The following LHFPL6 variants were observed in gnomAD, a reference collection of about 807,000 sequenced individuals.
LHFPL6 encodes the protein LHFPL tetraspan subfamily member 6.
Under a neutral mutation model 20.6 loss-of-function variants are expected in LHFPL6, and 9 were observed. The observed-to-expected ratio is 0.44, with a 90% CI of 0.26 to 0.76. The LOEUF is 0.76. Among genes scored for constraint, LHFPL6 ranks in the 30% least tolerant of loss-of-function variants. The pLI is 0.20. For missense variants in LHFPL6, 218 were observed against 253.5 expected (o/e 0.86, Z 0.95); for synonymous variants, 105 against 98.7 (o/e 1.06, Z -0.38).
At chr13:39,345,901 C>T (rs893159034) in intron 3 of LHFPL6, among the ~76,000 whole-genome samples, 1 of 152,128 alleles carries the variant, frequency 6.6e-6, no homozygotes, top group Non-Finnish European at 1.5e-5. Flanking sequence ...TCTGTTTGTA[C>T]GTCCCTATCA....
chr13:39,566,398 T>C (rs1383205488), intron 2 of LHFPL6, among the ~76,000 whole-genome samples: 1 of 152,178 alleles, frequency 6.6e-6, no homozygotes, highest in East Asian at 1.9e-4. Context: ...GTATACATTG[T>C]CCGTTGTGGC....
chr13:39,493,610 G>C (rs9566445), intron 2 of LHFPL6, among the ~76,000 whole-genome samples: 2 of 152,262 alleles, frequency 1.3e-5, no homozygotes, highest in East Asian at 3.9e-4. Flanking sequence ...GAGAACAAAA[G>C]CCTGGGAATG....
chr13:39,421,030 T>C (rs1871471035), intron 2 of LHFPL6, among the ~76,000 whole-genome samples: 1 of 152,214 alleles, frequency 6.6e-6, no homozygotes, highest in African/African-American at 2.4e-5. Flanking sequence ...TTATCATTTC[T>C]GTTTTGCCAG....
intron 2 of LHFPL6, among the ~76,000 whole-genome samples, chr13:39,378,777 A>T (rs1335959072): frequency 6.6e-6 from 1 of 152,230 alleles, no homozygotes; most frequent in Non-Finnish European, 1.5e-5. Flanking sequence ...AAAGCCTTGC[A>T]AATCCTGTTT....
At position 39,469,320 on chromosome 13, in the gene LHFPL6, C is replaced by T. The variant is rs141372366; in HGVS notation, c.386-90794G>A. ...ATTCAGTTCATAGCTCTATCTCCGCCCTCTCCTCTGCCATCGGCAAACTGC... is the reference window on the plus strand; with the variant it reads ...ATTCAGTTCATAGCTCTATCTCCGCTCTCTCCTCTGCCATCGGCAAACTGC... On this transcript the variant is annotated intron_variant, in intron 2 of 3. Transcript: ENST00000379589. 8.7e-4 allele frequency among the ~76,000 whole-genome samples: 133 copies of T among 152,338 alleles called. 1 individual carries two copies. The Middle Eastern group carries it at 0.017, about 19-fold the overall frequency.
At chr13:39,380,789 G>A (rs189115248) in intron 2 of LHFPL6, among the ~76,000 whole-genome samples, 143 of 152,102 alleles carry the variant, frequency 9.4e-4, no homozygotes, top group Admixed American at 4.6e-3. Context: ...CACTGTGCCC[G>A]GCCTAGCATT....
intron 2 of LHFPL6, among the ~76,000 whole-genome samples, chr13:39,587,322 T>C (rs7319551): frequency 0.82 from 124,180 of 152,032 alleles, 51,059 homozygotes; most frequent in East Asian, 0.94. Context: ...TACAATTCCT[T>C]GGCTTTGAGG....
At chr13:39,549,539 A>G (rs2138510763) in intron 2 of LHFPL6, among the ~76,000 whole-genome samples, 1 of 152,242 alleles carries the variant, frequency 6.6e-6, no homozygotes, top group East Asian at 1.9e-4. Flanking sequence ...AAGGATGTCA[A>G]GCAACTACAA....
At chr13:39,358,271 A>C (rs1183133468) in intron 3 of LHFPL6, among the ~76,000 whole-genome samples, 1 of 152,236 alleles carries the variant, frequency 6.6e-6, no homozygotes, top group Non-Finnish European at 1.5e-5. Context: ...TCTTTGGCAA[A>C]GTAAACAAAA....
chr13:39,575,314 T>C (rs1456129434), intron 2 of LHFPL6, among the ~76,000 whole-genome samples: 1 of 152,178 alleles, frequency 6.6e-6, no homozygotes, highest in Admixed American at 6.5e-5. Context: ...CTGAAACTAT[T>C]TGTACCCTTA....
chr13:39,358,530 A>G (rs1869785862), intron 3 of LHFPL6, among the ~76,000 whole-genome samples: 1 of 152,224 alleles, frequency 6.6e-6, no homozygotes, highest in South Asian at 2.1e-4. Context: ...AATTAAAAAA[A>G]ACAACATGTG....
At chr13:39,371,943 A>G (rs372414819) in intron 3 of LHFPL6, among the ~76,000 whole-genome samples, 1 of 152,344 alleles carries the variant, frequency 6.6e-6, no homozygotes, top group South Asian at 2.1e-4. Context: ...TAAAGCCACA[A>G]GTGCCAAACG....
chr13:39,379,477 C>A (rs941131695), intron 2 of LHFPL6, among the ~76,000 whole-genome samples: 1 of 152,066 alleles, frequency 6.6e-6, no homozygotes, highest in Non-Finnish European at 1.5e-5. Flanking sequence ...TGACAGAGCC[C>A]CCTAAATAGG....
At chr13:39,374,023 GAT>G (rs1217626429) in intron 3 of LHFPL6, among the ~76,000 whole-genome samples, 1 of 152,070 alleles carries the variant, frequency 6.6e-6, no homozygotes. Context: ...CCCATTACTG[GAT>G]ATATATACAA....
At chr13:39,518,372 T>C (rs1293959514) in intron 2 of LHFPL6, among the ~76,000 whole-genome samples, 2 of 152,222 alleles carry the variant, frequency 1.3e-5, no homozygotes, top group Admixed American at 6.5e-5. Context: ...TCCTGGCTAC[T>C]TTCCCCAGTT....
chr13:39,354,611 A>AT (rs1163085381), intron 3 of LHFPL6, among the ~76,000 whole-genome samples: 1 of 152,180 alleles, frequency 6.6e-6, no homozygotes, highest in Non-Finnish European at 1.5e-5. Flanking sequence ...GATTCAGCAG[A>AT]AAGTTAAAAT....
chr13:39,487,357 G>C (rs914070349), intron 2 of LHFPL6, among the ~76,000 whole-genome samples: 11 of 152,086 alleles, frequency 7.2e-5, no homozygotes, highest in Non-Finnish European at 1.5e-4. Flanking sequence ...ATAGATAAAG[G>C]GTTGTGCTTC....
intron 2 of LHFPL6, among the ~76,000 whole-genome samples, chr13:39,506,304 G>A (rs980435280): frequency 1.3e-5 from 2 of 152,132 alleles, no homozygotes; most frequent in Admixed American, 6.5e-5. Context: ...TGAGGGTCCC[G>A]CTGCTAATTC....
intron 2 of LHFPL6, among the ~76,000 whole-genome samples, chr13:39,485,005 T>C (rs918299660): frequency 3.3e-5 from 5 of 152,230 alleles, no homozygotes; most frequent in Non-Finnish European, 7.3e-5. Context: ...TTTTCATCTA[T>C]AGAAGATTCT....
Sources: gnomAD v4.1 joint callset for allele counts (sites outside exome capture counted in the v4.1 genomes callset) on GRCh38, gnomAD v4.1.1 for gene constraint, MANE v1.5 for transcripts, NCBI Gene and HGNC (gene_info 2026-07-23, HGNC 2026-07-21) for gene names.